The following DYRK1A variants were observed in gnomAD, a reference collection of about 807,000 sequenced individuals.
The protein encoded by DYRK1A is dual specificity tyrosine phosphorylation regulated kinase 1A, also known as dual specificity tyrosine-phosphorylation-regulated kinase 1A.
Under a neutral mutation model 79.7 loss-of-function variants are expected in DYRK1A, and 9 were observed. That is an observed-to-expected ratio of 0.11 (90% CI 0.07 to 0.20). The LOEUF (loss-of-function observed/expected upper bound fraction) is 0.20. DYRK1A is among the 10% of genes least tolerant of loss of function. The probability of loss-of-function intolerance (pLI) is 1.00; values close to 1 mark genes in which losing one functional copy is unlikely to be tolerated. For synonymous variants in DYRK1A, 349 were observed against 329.7 expected, an observed-to-expected ratio of 1.06 and a Z score of -0.63; for missense variants, 622 against 956.0, an observed-to-expected ratio of 0.65 and a Z score of 4.61.
At chr21:37,423,435 A>G (rs916972020) in intron 2 of DYRK1A, among the ~76,000 whole-genome samples, 3 of 152,204 alleles carry the variant, frequency 2.0e-5, no homozygotes, top group African/African-American at 7.2e-5. Context: ...AATTCAGTTT[A>G]TTTAAGGTGT....
At chr21:37,484,981 G>T (rs971609712) in intron 5 of DYRK1A, among the ~76,000 whole-genome samples, 1 of 152,142 alleles carries the variant, frequency 6.6e-6, no homozygotes, top group African/African-American at 2.4e-5. Context: ...CACATTCTGT[G>T]TCAGGTTATT....
intron 1 of DYRK1A, among the ~76,000 whole-genome samples, chr21:37,400,184 G>C (rs551354937): frequency 6.6e-6 from 1 of 152,098 alleles, no homozygotes; most frequent in South Asian, 2.1e-4. Flanking sequence ...CTCCTGCGAT[G>C]GTTGTGTTGT....
intron 2 of DYRK1A, among the ~76,000 whole-genome samples, chr21:37,427,664 A>T (rs1392444053): frequency 2.0e-5 from 3 of 152,202 alleles, no homozygotes; most frequent in Non-Finnish European, 2.9e-5. Flanking sequence ...AAGGTGAAGC[A>T]TATGTACATT....
At chr21:37,366,256 T>C (rs1388256787), upstream of DYRK1A, 5 of 146,670 alleles carry the variant, frequency 3.4e-5, no homozygotes, top group Non-Finnish European at 6.0e-5. Context: ...GCGGCGCCCC[T>C]CCTCCTCCCC....
intron 1 of DYRK1A, among the ~76,000 whole-genome samples, chr21:37,389,484 C>T (rs927154987): frequency 6.6e-6 from 1 of 152,034 alleles, no homozygotes; most frequent in Admixed American, 6.6e-5. Context: ...ATTTCTGATT[C>T]GAGGTTGGTT....
At chr21:37,465,652 C>T (rs1214095486) in intron 2 of DYRK1A, among the ~76,000 whole-genome samples, 2 of 152,098 alleles carry the variant, frequency 1.3e-5, no homozygotes, top group Non-Finnish European at 2.9e-5. Context: ...GCCTGGCCAA[C>T]ATGGTGAAAC....
At chr21:37,389,827 T>A (rs1320508715) in intron 1 of DYRK1A, among the ~76,000 whole-genome samples, 1 of 152,160 alleles carries the variant, frequency 6.6e-6, no homozygotes, top group Non-Finnish European at 1.5e-5. Flanking sequence ...CATGCTGGTG[T>A]TCTGCAGGCA....
upstream of DYRK1A, chr21:37,366,193 C>G (rs974535035): frequency 1.2e-4 from 18 of 151,044 alleles, no homozygotes; most frequent in Admixed American, 2.0e-4. Flanking sequence ...GCGGTGAGAG[C>G]CCTCCAGGCC....
chr21:37,397,034 C>CAGAAGATGCAGAGT (rs1338335065), intron 1 of DYRK1A, among the ~76,000 whole-genome samples: 2 of 152,142 alleles, frequency 1.3e-5, no homozygotes, highest in Non-Finnish European at 2.9e-5. Flanking sequence ...TGTACTAGCT[C>CAGAAGATGCAGAGT]AGAAGATGCA....
intron 5 of DYRK1A, among the ~76,000 whole-genome samples, chr21:37,483,049 C>T (rs1202732628): frequency 1.3e-5 from 2 of 152,084 alleles, no homozygotes; most frequent in African/African-American, 4.8e-5. Context: ...TCACAGGGTC[C>T]TGAGGCGACA....
At chr21:37,479,589 G>GTTTTTTT (rs1569361929) in intron 4 of DYRK1A, among the ~76,000 whole-genome samples, 3 of 74,380 alleles carry the variant, frequency 4.0e-5, no homozygotes, top group African/African-American at 1.7e-4. Flanking sequence ...CAGTGTTGGT[G>GTTTTTTT]TTTTGTTTTT....
At chr21:37,445,716 T>G (rs2051247504) in intron 2 of DYRK1A, among the ~76,000 whole-genome samples, 2 of 152,198 alleles carry the variant, frequency 1.3e-5, no homozygotes, top group Admixed American at 1.3e-4. Flanking sequence ...TTTTCCCCAT[T>G]GGAGTACAGT....
intron 11 of DYRK1A, chr21:37,506,454 C>T: frequency 1.5e-6 from 2 of 1,307,264 alleles, no homozygotes; most frequent in East Asian, 2.6e-5. Flanking sequence ...TTGTTTTGAA[C>T]AGTTTTTTTC....
At position 37,457,827 on chromosome 21, in the gene DYRK1A, A is replaced by C. The variant is rs529235136; in HGVS notation, c.11-14857A>C. 3.9e-5 allele frequency among the ~76,000 whole-genome samples: 6 copies of C among 152,258 alleles called. No individual in the cohort carries two copies. In the South Asian group the frequency reaches 1.2e-3, roughly 32 times the overall value. ...TTTTCTCCCTGGGATGGGAGAAGGA[A>C]AAAGTTAATTTTTTTCCCCCTTGAC... On this transcript the variant is annotated intron_variant, in intron 2 of 11. Transcript: ENST00000647188.
At chr21:37,371,244 CTAAAA>C (rs2049423144) in intron 1 of DYRK1A, among the ~76,000 whole-genome samples, 1 of 152,114 alleles carries the variant, frequency 6.6e-6, no homozygotes, top group Admixed American at 6.5e-5. Context: ...CTTCATGTGA[CTAAAA>C]TAATCATTGA....
intron 9 of DYRK1A, chr21:37,503,352 G>A (rs545584221): frequency 4.0e-4 from 61 of 152,216 alleles, no homozygotes; most frequent in African/African-American, 1.4e-3. Flanking sequence ...CTGTCTTCTT[G>A]TTCACTGATT....
At chr21:37,494,587 AC>A (rs968396441) in intron 8 of DYRK1A, among the ~76,000 whole-genome samples, 1 of 151,260 alleles carries the variant, frequency 6.6e-6, no homozygotes, top group African/African-American at 2.4e-5. Context: ...TACCCCACTT[AC>A]GGTTGCAGTA....
At position 37,478,318 on chromosome 21, in the gene DYRK1A, A is replaced by G. The variant is rs778597343; in HGVS notation, c.300+18A>G. ...TTAATGAGGTAAGACTTGATTTGTT[A>G]TAATAACATCTATCTTGCAGTATGT... On this transcript the variant is annotated intron_variant, in intron 4 of 11. Coordinates refer to ENST00000647188, the MANE Select transcript of DYRK1A (RefSeq NM_001347721.2). 2.9e-5 allele frequency: 47 copies of G among 1,608,372 alleles called. No individual in the cohort carries two copies. Among genetic ancestry groups the G allele is most frequent in the Admixed American group, 1.3e-4 (8 of 59,270 alleles).
At chr21:37,420,148 A>AT (rs1447283332) in intron 1 of DYRK1A, 151 bp from the exon 2 acceptor site, 1 of 363,702 alleles carries the variant, frequency 2.7e-6, no homozygotes, top group Non-Finnish European at 4.9e-6. Flanking sequence ...ACTAAGGAAA[A>AT]TTTAAGTTTG....
Sources: allele counts gnomAD v4.1 joint callset (sites outside exome capture counted in the v4.1 genomes callset), GRCh38; gene constraint gnomAD v4.1.1; transcripts MANE v1.5; gene names NCBI Gene and HGNC (gene_info 2026-07-23, HGNC 2026-07-21).